The following C3orf70 variants were observed in gnomAD, a reference collection of about 807,000 sequenced individuals.
C3orf70 encodes chromosome 3 open reading frame 70, also known as UPF0524 protein C3orf70.
In C3orf70, 15 loss-of-function variants were observed where a neutral mutation model predicts 20.7. The observed-to-expected ratio is 0.72, with a 90% CI of 0.48 to 1.11. The LOEUF is 1.11. C3orf70 is among the 50% of genes most tolerant of loss of function. The probability of loss-of-function intolerance (pLI) is 0.00; values close to 1 mark genes in which losing one functional copy is unlikely to be tolerated. For missense variants in C3orf70, 332 were observed against 317.6 expected, an observed-to-expected ratio of 1.05 and a Z score of -0.34; for synonymous variants, 161 against 125.7, an observed-to-expected ratio of 1.28 and a Z score of -1.88.
At chr3:185,138,975 A>G (rs62289828) in intron 1 of C3orf70, among the ~76,000 whole-genome samples, 11,069 of 152,044 alleles carry the variant, frequency 0.073, 464 homozygotes, top group South Asian at 0.11. Context: ...GGTGGCATAC[A>G]CCTGTAGTTC....
Position 185,083,567 on chromosome 3 carries a change from T to G in C3orf70, c.197-4A>C, listed in dbSNP as rs776569783. ...ATAGGCTGATACATGTATTTGCCTG[T>G]GAAGACACAAAAAGACACTTGAAAT... On this transcript the variant is annotated splice_region_variant and splice_polypyrimidine_tract_variant and intron_variant, in intron 1 of 1. Transcript: ENST00000335012. 1.3e-6 allele frequency: 2 copies of G among 1,565,916 alleles called. No individual in the cohort carries two copies. The highest frequency in any genetic ancestry group is 1.7e-6 in the Non-Finnish European group (2 of 1,158,558).
intron 1 of C3orf70, among the ~76,000 whole-genome samples, chr3:185,103,972 G>C (rs928103925): frequency 5.9e-5 from 9 of 152,294 alleles, no homozygotes; most frequent in Middle Eastern, 3.4e-3. Context: ...AGGGTGCTTT[G>C]TGCATGCCTA....
chr3:185,097,128 T>C (rs1715726437), intron 1 of C3orf70, among the ~76,000 whole-genome samples: 2 of 152,182 alleles, frequency 1.3e-5, no homozygotes, highest in Non-Finnish European at 2.9e-5. Flanking sequence ...GGTCTTAAAT[T>C]GATTCAATGA....
Position 185,083,348 on chromosome 3 carries a change from A to G in C3orf70, c.412T>C (p.Cys138Arg). 6.2e-7 allele frequency: 1 copy of G among 1,614,168 alleles called. No homozygotes were observed. The highest frequency in any genetic ancestry group is 1.1e-5 in the South Asian group (1 of 91,082). Reference sequence around the variant, plus strand: ...ACATAACACATCTTCCCATTAATACATTTAACCTGATAGTTGTCAATAAAA... The same window carrying G: ...ACATAACACATCTTCCCATTAATACGTTTAACCTGATAGTTGTCAATAAAA... ...DLFIDNYQVK[C>R]INGKMCYVQK... is the part of the protein sequence containing the mutation. Residue 138 changes from cysteine to arginine, a missense_variant, in exon 2 of 2, where the codon TGT becomes CGT. By Grantham distance (180) the Cys-to-Arg change is radical (BLOSUM62 -3). Coordinates refer to ENST00000335012, the MANE Select transcript of C3orf70 (RefSeq NM_001025266.3).
chr3:185,124,827 GT>G (rs1716374831), intron 1 of C3orf70, among the ~76,000 whole-genome samples: 1 of 151,922 alleles, frequency 6.6e-6, no homozygotes, highest in African/African-American at 2.4e-5. Context: ...AAATTAAAAA[GT>G]TTTTTTAAAA....
rs373900846 is a variant in C3orf70 at position 185,095,166 on chromosome 3, T to C, written c.197-11603A>G. Among the ~76,000 whole-genome samples, 11 of 152,378 alleles carry C rather than the reference T, an allele frequency of 7.2e-5. No individual in the cohort carries two copies. The East Asian group carries it at 9.6e-4, about 13-fold the overall frequency. ...ATTTTAATAACAAGGCTTGACCTTATGGACATTTTATGAGACCATCTCAGC... is the reference window on the plus strand; with the variant it reads ...ATTTTAATAACAAGGCTTGACCTTACGGACATTTTATGAGACCATCTCAGC... On this transcript the variant is annotated intron_variant, in intron 1 of 1. Coordinates refer to ENST00000335012, the MANE Select transcript of C3orf70 (RefSeq NM_001025266.3).
rs1046077430 is a variant in C3orf70, at chr3:185,096,645, T to C, written c.197-13082A>G. ...AAGGGGCTCTGCCGCTGCTGGCTGCTGACAGTGTGAAGGGTCTGCGGGAGG... is the reference window on the plus strand; with the variant it reads ...AAGGGGCTCTGCCGCTGCTGGCTGCCGACAGTGTGAAGGGTCTGCGGGAGG... On this transcript the variant is annotated intron_variant, in intron 1 of 1. Coordinates refer to ENST00000335012, the MANE Select transcript of C3orf70 (RefSeq NM_001025266.3). Among the ~76,000 whole-genome samples, 9 of 152,306 alleles carry C rather than the reference T, an allele frequency of 5.9e-5. No homozygotes were observed. The South Asian group carries it at 6.2e-4, about 11-fold the overall frequency.
At chr3:185,128,608 G>C (rs1366484152) in intron 1 of C3orf70, among the ~76,000 whole-genome samples, 1 of 151,670 alleles carries the variant, frequency 6.6e-6, no homozygotes, top group Non-Finnish European at 1.5e-5. Context: ...AAAATAAATG[G>C]ATTTGTATCT....
chr3:185,105,600 C>A (rs1715917316), intron 1 of C3orf70, among the ~76,000 whole-genome samples: 1 of 152,210 alleles, frequency 6.6e-6, no homozygotes, highest in African/African-American at 2.4e-5. Context: ...GCTCTCAGCT[C>A]TGCAGGCTGT....
chr3:185,113,889 G>A (rs1176129106), intron 1 of C3orf70, among the ~76,000 whole-genome samples: 1 of 152,174 alleles, frequency 6.6e-6, no homozygotes, highest in African/African-American at 2.4e-5. Context: ...TACTTTCTAA[G>A]TTGATTGCTC....
At chr3:185,122,494 T>C (rs1158488077) in intron 1 of C3orf70, among the ~76,000 whole-genome samples, 1 of 152,306 alleles carries the variant, frequency 6.6e-6, no homozygotes, top group East Asian at 1.9e-4. Context: ...CATCCGAGGA[T>C]AGTTGCATCA....
chr3:185,101,809 A>G (rs1012460256), intron 1 of C3orf70, among the ~76,000 whole-genome samples: 2 of 152,212 alleles, frequency 1.3e-5, no homozygotes, highest in Non-Finnish European at 2.9e-5. Flanking sequence ...ATTCTACATG[A>G]GATTTGGGTG....
chr3:185,107,604 G>A (rs1031114486), intron 1 of C3orf70, among the ~76,000 whole-genome samples: 1 of 152,192 alleles, frequency 6.6e-6, no homozygotes, highest in African/African-American at 2.4e-5. Flanking sequence ...TGGCCACTAA[G>A]TAAAGAGAAA....
At chr3:185,121,882 G>A (rs893582379) in intron 1 of C3orf70, among the ~76,000 whole-genome samples, 10 of 152,288 alleles carry the variant, frequency 6.6e-5, no homozygotes, top group Admixed American at 1.3e-4. Flanking sequence ...GGCAGACCAC[G>A]AGGTCAGCAG....
At chr3:185,139,479 G>A (rs919623220) in intron 1 of C3orf70, among the ~76,000 whole-genome samples, 2 of 151,486 alleles carry the variant, frequency 1.3e-5, no homozygotes, top group Non-Finnish European at 2.9e-5. Context: ...CTTGAACCCA[G>A]GAGGCAGAGG....
chr3:185,118,157 T>C (rs1577327629), intron 1 of C3orf70, among the ~76,000 whole-genome samples: 1 of 152,238 alleles, frequency 6.6e-6, no homozygotes, highest in Non-Finnish European at 1.5e-5. Context: ...TGGCATATAA[T>C]AGATGCTCAA....
intron 1 of C3orf70, among the ~76,000 whole-genome samples, chr3:185,085,922 G>A (rs886319326): frequency 2.0e-5 from 3 of 152,146 alleles, no homozygotes; most frequent in South Asian, 2.1e-4. Context: ...TGAAGGTTTC[G>A]TCTTTTTCAT....
At chr3:185,118,929 C>T (rs1716236881) in intron 1 of C3orf70, among the ~76,000 whole-genome samples, 1 of 152,182 alleles carries the variant, frequency 6.6e-6, no homozygotes, top group Non-Finnish European at 1.5e-5. Flanking sequence ...CTGCAAATTA[C>T]TTTGTCCCTT....
intron 1 of C3orf70, among the ~76,000 whole-genome samples, chr3:185,151,174 G>C (rs1716982203): frequency 1.3e-5 from 2 of 152,228 alleles, no homozygotes; most frequent in South Asian, 4.1e-4. Context: ...TATTTTAAGA[G>C]TCAAGGCTAA....
Sources: allele counts gnomAD v4.1 joint callset (sites outside exome capture counted in the v4.1 genomes callset), GRCh38; gene constraint gnomAD v4.1.1; transcripts MANE v1.5; gene names NCBI Gene and HGNC (gene_info 2026-07-23, HGNC 2026-07-21).